Variants in RNF213 observed in about 807,000 individuals in gnomAD.
RNF213 encodes the protein ring finger protein 213.
RNF213 carries 341 observed loss-of-function variants against 514.4 expected under a neutral mutation model. That is an observed-to-expected ratio of 0.66 (90% CI 0.61 to 0.73). The LOEUF is 0.73. RNF213 is among the 30% of genes least tolerant of loss of function. The pLI is 0.00. For synonymous variants in RNF213, 2,655 were observed against 2,658.2 expected (o/e 1.00, Z 0.04); for missense variants, 5,767 against 6,615.6 (o/e 0.87, Z 4.45).
intron 23 of RNF213, 114 bp from the exon 24 acceptor site, chr17:80,337,472 A>G: frequency 1.5e-6 from 2 of 1,367,284 alleles, no homozygotes; most frequent in East Asian, 2.5e-5. Context: ...GCCCTGGGGA[A>G]GCGTGGGGAG....
At position 80,353,538 on chromosome 17, in the gene RNF213, G is replaced by A. The variant is rs140300282; in HGVS notation, c.10450G>A (p.Gly3484Ser). The change falls in exon 34 of 68, where the codon GGC (glycine) becomes AGC (serine). Residue 3484 changes from glycine (G) to serine (S), a missense_variant. This residue lies in a region of RNF213 where 919 missense variants were observed against 1,121.0 expected (regional missense o/e 0.82). Coordinates refer to ENST00000582970, the MANE Select transcript of RNF213 (RefSeq NM_001256071.3). The surrounding 1 kb of genome is among the most constrained non-coding windows in gnomAD (Gnocchi z 5.0). ...ELGLEHRAED[G>S]HEEAMETEAS... ...GGGCTTGGAACACCGGGCGGAAGAC[G>A]GCCATGAGGAGGCGATGGAGACGGA... 1,279 of 1,613,088 alleles carry A rather than the reference G, an allele frequency of 7.9e-4. 1 individual carries two copies. Among genetic ancestry groups the A allele is most frequent in the Admixed American group, 1.0e-3 (61 of 59,764 alleles).
intron 2 of RNF213, among the ~76,000 whole-genome samples, chr17:80,267,347 A>G (rs1017210904): frequency 5.9e-5 from 9 of 151,898 alleles, no homozygotes; most frequent in Non-Finnish European, 1.3e-4. Context: ...AGGCTGAGGC[A>G]GGAGAGAATC....
intron 29 of RNF213, 73 bp from the exon 30 acceptor site, chr17:80,349,697 G>A: frequency 6.6e-7 from 1 of 1,523,992 alleles, no homozygotes; most frequent in South Asian, 1.1e-5. Context: ...TCTAGGATCT[G>A]TCTAAACCTG....
At chr17:80,297,655 C>T (rs978509590) in intron 10 of RNF213, among the ~76,000 whole-genome samples, 5 of 147,492 alleles carry the variant, frequency 3.4e-5, no homozygotes, top group South Asian at 2.2e-4. Context: ...GGCATGGTGG[C>T]GGGCACCTGT....
intron 10 of RNF213, among the ~76,000 whole-genome samples, chr17:80,298,072 T>G (rs1348185972): frequency 6.6e-6 from 1 of 152,226 alleles, no homozygotes; most frequent in Non-Finnish European, 1.5e-5. Flanking sequence ...GGACCCCTGC[T>G]TCTGAGATCC....
Position 80,347,797 on chromosome 17 carries a change from A to G in RNF213, c.9462A>G (p.Lys3154=), listed in dbSNP as rs1258852646. ...TCCGCCTGATTGTCATTGAAGAGAA[A>G]GACGTCGTGTACAAACACTTTCCCA... is the stretch of plus-strand genomic sequence containing the variant. ...PNFRLIVIEE[K]DVVYKHFPIP... Residue 3154 remains lysine, a synonymous_variant, in exon 29 of 68, where the codon AAA becomes AAG. Transcript: ENST00000582970. The surrounding 1 kb of genome is among the most constrained non-coding windows in gnomAD (Gnocchi z 7.2). 1 of 1,614,232 alleles carries G rather than the reference A, an allele frequency of 6.2e-7. No homozygotes were observed. Among genetic ancestry groups the G allele is most frequent in the Admixed American group, 1.7e-5 (1 of 60,038 alleles).
rs898412248 is a variant in RNF213 at position 80,339,769 on chromosome 17, C to A, written c.5402C>A (p.Thr1801Asn). The A allele has an allele frequency of 2.0e-6, 3 of 1,536,226 alleles. No homozygotes were observed. The highest frequency in any genetic ancestry group is 2.6e-6 in the Non-Finnish European group (3 of 1,146,106). ...AFLPDCLDLETLGHCLAHLAG... is the reference protein window; with the variant it reads ...AFLPDCLDLENLGHCLAHLAG... ...CTGCCCGACTGCCTCGACCTAGAGA[C>A]CCTTGGCCACTGTCTGGCTCACCTG... Residue 1801 changes from threonine to asparagine, a missense_variant, in exon 26 of 68, where the codon ACC becomes AAC. Around this residue, in one of 13 missense-constraint regions of RNF213, gnomAD observed 1,377 missense variants for 1,635.2 expected, o/e 0.84. Transcript: ENST00000582970.
rs1599057139 is a variant in RNF213, at chr17:80,339,792, C to A, written c.5425C>A (p.Leu1809Met). The A allele has an allele frequency of 6.5e-7, 1 of 1,534,690 alleles. No homozygotes were observed. Among genetic ancestry groups the A allele is most frequent in the African/African-American group, 1.4e-5 (1 of 72,994 alleles). The change falls in exon 26 of 68, where the codon CTG (leucine) becomes ATG (methionine). Residue 1809 changes from leucine to methionine, a missense_variant. Coordinates refer to ENST00000582970, the MANE Select transcript of RNF213 (RefSeq NM_001256071.3). ...GACCCTTGGCCACTGTCTGGCTCAC[C>A]TGGCAGGGATGGGTGGGTCTCCCGT... ...LETLGHCLAH[L>M]AGMGGSPVER...
Position 80,345,895 on chromosome 17 carries a change from T to G in RNF213, c.7560T>G (p.Ile2520Met), listed in dbSNP as rs2078293457. 1 of 1,614,072 alleles carries G rather than the reference T, an allele frequency of 6.2e-7. No homozygotes were observed. Among genetic ancestry groups the G allele is most frequent in the Non-Finnish European group, 8.5e-7 (1 of 1,180,046 alleles). Residue 2520 changes from isoleucine to methionine, a missense_variant, in exon 29 of 68, where the codon ATT becomes ATG. Coordinates refer to ENST00000582970, the MANE Select transcript of RNF213 (RefSeq NM_001256071.3). This position sits in a 1 kb window ranked among gnomAD's most constrained non-coding sequence, Gnocchi z 6.0. Reference protein sequence around the residue: ...QPLAEDSGLHIIAACNPYRKH... With the variant: ...QPLAEDSGLHMIAACNPYRKH... ...TGGCTGAGGACTCTGGCCTGCATAT[T>G]ATAGCTGCCTGCAATCCATACCGGA... is the stretch of plus-strand genomic sequence containing the variant.
intron 6 of RNF213, among the ~76,000 whole-genome samples, chr17:80,290,318 C>T (rs189514243): frequency 1.3e-4 from 19 of 150,434 alleles, no homozygotes; most frequent in Admixed American, 1.1e-3. Flanking sequence ...TGTGCGTGTG[C>T]GTTCACGTGT....
rs2079068259 is a variant in RNF213 at position 80,361,889 on chromosome 17, G to T, written c.11355+1G>T. On this transcript the variant is annotated splice_donor_variant, in intron 39 of 67. Transcript: ENST00000582970. LOFTEE classifies it high-confidence loss of function. Reference sequence around the variant, plus strand: ...TGTGTCAACGGAGGAGGAATTAAAGGTAGATGTTTAGATACTGGCTAAGGG... The same window carrying T: ...TGTGTCAACGGAGGAGGAATTAAAGTTAGATGTTTAGATACTGGCTAAGGG... 1 of 1,611,802 alleles carries T rather than the reference G, an allele frequency of 6.2e-7. No homozygotes were observed.
chr17:80,384,729 C>G, intron 59 of RNF213: 1 of 414,944 alleles, frequency 2.4e-6, no homozygotes, highest in South Asian at 2.1e-5. Flanking sequence ...AGCTTCTCTC[C>G]GTACCCAGCC....
chr17:80,346,972 C>T lies in RNF213; in HGVS notation c.8637C>T (p.Val2879=), dbSNP rs147581161. Residue 2879 remains valine (V), a synonymous_variant, in exon 29 of 68, where the codon GTC becomes GTT. Coordinates refer to ENST00000582970, the MANE Select transcript of RNF213 (RefSeq NM_001256071.3). This position sits in a 1 kb window ranked among gnomAD's most constrained non-coding sequence, Gnocchi z 8.1. ...IEDDPAPHKK[V]GFVGISNWAL... ...ACGATCCCGCCCCCCACAAAAAGGTCGGCTTCGTGGGCATCTCCAACTGGG... is the reference window on the plus strand; with the variant it reads ...ACGATCCCGCCCCCCACAAAAAGGTTGGCTTCGTGGGCATCTCCAACTGGG... 2.4e-4 allele frequency: 393 copies of T among 1,613,728 alleles called. 1 individual carries two copies. The African/African-American group carries it at 4.4e-3, about 18-fold the overall frequency.
intron 26 of RNF213, among the ~76,000 whole-genome samples, chr17:80,342,656 TATATA>T (rs1472307457): frequency 6.8e-6 from 1 of 146,938 alleles, no homozygotes; most frequent in Admixed American, 6.9e-5. Flanking sequence ...TATTTTTACA[TATATA>T]ATATATATTC....
At chr17:80,275,852 C>T (rs372759772) in intron 3 of RNF213, among the ~76,000 whole-genome samples, 45 of 151,518 alleles carry the variant, frequency 3.0e-4, no homozygotes, top group African/African-American at 9.9e-4. Flanking sequence ...TTGGTAGAGA[C>T]GGGGTTTCAC....
At chr17:80,333,484 A>G (rs1057033750) in intron 21 of RNF213, among the ~76,000 whole-genome samples, 47 of 151,676 alleles carry the variant, frequency 3.1e-4, no homozygotes, top group South Asian at 4.2e-4. Context: ...ACCTGAGGTG[A>G]GGAGTTCGAG....
chr17:80,281,242 C>T (rs2044255671), intron 3 of RNF213, among the ~76,000 whole-genome samples: 1 of 113,828 alleles, frequency 8.8e-6, no homozygotes, highest in South Asian at 3.3e-4. Flanking sequence ...CTCACACACA[C>T]CTCAACACAC....
At chr17:80,310,347 G>T (rs186996851) in intron 14 of RNF213, among the ~76,000 whole-genome samples, 2 of 151,934 alleles carry the variant, frequency 1.3e-5, no homozygotes, top group Non-Finnish European at 2.9e-5. Context: ...CCGCCTCCTA[G>T]GTTCAAGTGA....
At chr17:80,350,455 T>G in intron 31 of RNF213, 59 bp downstream of exon 31, 1 of 1,109,872 alleles carries the variant, frequency 9.0e-7, no homozygotes, top group Non-Finnish European at 1.4e-6. Flanking sequence ...TAGGAAGTCC[T>G]AGAGAATTTT....
Sources: allele counts gnomAD v4.1 joint callset (sites outside exome capture counted in the v4.1 genomes callset), GRCh38; gene constraint gnomAD v4.1.1; regional missense constraint gnomAD v4.1.1; non-coding constraint Gnocchi (gnomAD v3.1); transcripts MANE v1.5; gene names NCBI Gene and HGNC (gene_info 2026-07-23, HGNC 2026-07-21).